The following NEGR1 variants were observed in gnomAD, a reference collection of about 807,000 sequenced individuals.
The protein encoded by NEGR1 is IgLON family member 4.
NEGR1 carries 10 observed loss-of-function variants against 40.9 expected under a neutral mutation model. The observed-to-expected ratio is 0.24, with a 90% CI of 0.15 to 0.42. The LOEUF (loss-of-function observed/expected upper bound fraction) is 0.42. Among genes scored for constraint, NEGR1 ranks in the 10% least tolerant of loss-of-function variants. The pLI is 1.00. For missense variants in NEGR1, 352 were observed against 438.9 expected (o/e 0.80, Z 1.77); for synonymous variants, 185 against 166.8 (o/e 1.11, Z -0.84).
chr1:71,758,629 C>T (rs1655825687), intron 3 of NEGR1, among the ~76,000 whole-genome samples: 1 of 151,948 alleles, frequency 6.6e-6, no homozygotes, highest in Non-Finnish European at 1.5e-5. Context: ...AATTAATATT[C>T]CATAGCAAAA....
chr1:72,062,586 A>G (rs1288122355), intron 1 of NEGR1, among the ~76,000 whole-genome samples: 1 of 152,008 alleles, frequency 6.6e-6, no homozygotes, highest in Non-Finnish European at 1.5e-5. Flanking sequence ...GGACATACAT[A>G]TACTGCTTGG....
chr1:72,195,343 A>G (rs2100436298), intron 1 of NEGR1, among the ~76,000 whole-genome samples: 1 of 152,066 alleles, frequency 6.6e-6, no homozygotes, highest in South Asian at 2.1e-4. Flanking sequence ...GTTCAAATTA[A>G]TTGTTTTCCT....
At chr1:71,645,042 T>A (rs1291621888) in intron 4 of NEGR1, among the ~76,000 whole-genome samples, 2 of 152,002 alleles carry the variant, frequency 1.3e-5, no homozygotes, top group Non-Finnish European at 2.9e-5. Flanking sequence ...TTTATATAAC[T>A]TTGCTACCTT....
intron 1 of NEGR1, among the ~76,000 whole-genome samples, chr1:72,012,544 A>G (rs1646666382): frequency 6.6e-6 from 1 of 152,048 alleles, no homozygotes; most frequent in South Asian, 2.1e-4. Flanking sequence ...ACATCATCCA[A>G]TCAAGTCCTG....
chr1:72,241,266 C>CA (rs965166057), intron 1 of NEGR1, among the ~76,000 whole-genome samples: 3 of 151,474 alleles, frequency 2.0e-5, no homozygotes, highest in East Asian at 3.9e-4. Context: ...TTTTGAGAGA[C>CA]AAAAAAGCAG....
intron 6 of NEGR1, among the ~76,000 whole-genome samples, chr1:71,502,553 C>G (rs763112814): frequency 1.3e-5 from 2 of 152,158 alleles, no homozygotes; most frequent in Non-Finnish European, 2.9e-5. Context: ...TCCAGGATCT[C>G]TGTGCCTTCA....
chr1:71,867,656 T>C (rs531358510), intron 2 of NEGR1, among the ~76,000 whole-genome samples: 7 of 152,268 alleles, frequency 4.6e-5, no homozygotes, highest in East Asian at 1.9e-4. Flanking sequence ...CAAAATCATA[T>C]ACAAAATTTT....
chr1:72,203,985 T>C (rs1653305427), intron 1 of NEGR1, among the ~76,000 whole-genome samples: 1 of 152,108 alleles, frequency 6.6e-6, no homozygotes, highest in Non-Finnish European at 1.5e-5. Flanking sequence ...TTCAGTGTAG[T>C]ATAAACACAA....
intron 2 of NEGR1, among the ~76,000 whole-genome samples, chr1:71,781,516 T>A (rs1656714777): frequency 6.6e-6 from 1 of 152,178 alleles, no homozygotes; most frequent in Non-Finnish European, 1.5e-5. Context: ...AAGACCACAG[T>A]GCATACAAAT....
At chr1:72,126,279 A>G (rs917445749) in intron 1 of NEGR1, among the ~76,000 whole-genome samples, 3 of 152,148 alleles carry the variant, frequency 2.0e-5, no homozygotes, top group African/African-American at 7.2e-5. Context: ...TTTTTGCATT[A>G]AACTACAATT....
At chr1:72,193,498 T>C (rs1461950490) in intron 1 of NEGR1, among the ~76,000 whole-genome samples, 1 of 151,692 alleles carries the variant, frequency 6.6e-6, no homozygotes, top group South Asian at 2.1e-4. Flanking sequence ...TTAGAGTGAA[T>C]GTTAGCTCCT....
chr1:71,564,546 C>G (rs1648558129), intron 6 of NEGR1, among the ~76,000 whole-genome samples: 1 of 152,014 alleles, frequency 6.6e-6, no homozygotes, highest in Non-Finnish European at 1.5e-5. Context: ...CTCATATTTC[C>G]TCCCTGTCTC....
intron 2 of NEGR1, among the ~76,000 whole-genome samples, chr1:71,788,380 A>G (rs563132344): frequency 4.3e-4 from 66 of 152,222 alleles, no homozygotes; most frequent in African/African-American, 1.6e-3. Context: ...TAACTATATT[A>G]TATTCAAAAG....
chr1:71,826,960 C>T (rs1658647602), intron 2 of NEGR1, among the ~76,000 whole-genome samples: 1 of 151,816 alleles, frequency 6.6e-6, no homozygotes, highest in African/African-American at 2.4e-5. Flanking sequence ...CAACATTTCT[C>T]TAGTGAAGAA....
intron 1 of NEGR1, among the ~76,000 whole-genome samples, chr1:72,066,665 G>C (rs968950262): frequency 6.6e-6 from 1 of 152,158 alleles, no homozygotes. Flanking sequence ...AAGGCCCTGT[G>C]AGGACATAAT....
At chr1:71,443,035 T>C (rs1557527669) in intron 6 of NEGR1, among the ~76,000 whole-genome samples, 1 of 152,218 alleles carries the variant, frequency 6.6e-6, no homozygotes, top group Non-Finnish European at 1.5e-5. Flanking sequence ...TTATTCTGCC[T>C]TTGAGTAATA....
intron 6 of NEGR1, among the ~76,000 whole-genome samples, chr1:71,441,750 A>G (rs1415680659): frequency 2.0e-5 from 3 of 152,188 alleles, no homozygotes; most frequent in East Asian, 1.9e-4. Flanking sequence ...GTTGTTTGGT[A>G]GATACTTCAA....
chr1:71,927,736 T>C (rs961858533), intron 2 of NEGR1, among the ~76,000 whole-genome samples: 1 of 143,512 alleles, frequency 7.0e-6, no homozygotes. Context: ...TCCCAGCACT[T>C]TGGGAGGCTG....
At chr1:72,281,136 C>T (rs1444766153) in intron 1 of NEGR1, among the ~76,000 whole-genome samples, 1 of 151,716 alleles carries the variant, frequency 6.6e-6, no homozygotes, top group Admixed American at 6.6e-5. Flanking sequence ...AGCTCAAGCT[C>T]AGAGGAAAGA....
Sources: allele counts gnomAD v4.1 joint callset (sites outside exome capture counted in the v4.1 genomes callset), GRCh38; gene constraint gnomAD v4.1.1; transcripts MANE v1.5; gene names NCBI Gene and HGNC (gene_info 2026-07-23, HGNC 2026-07-21).